The following HMCN1 variants were observed in gnomAD, a reference collection of about 807,000 sequenced individuals.
HMCN1 encodes hemicentin 1.
HMCN1 carries 321 observed loss-of-function variants against 625.9 expected under a neutral mutation model. The observed-to-expected ratio is 0.51, with a 90% CI of 0.47 to 0.56. The LOEUF (loss-of-function observed/expected upper bound fraction) is 0.56. Ranked by LOEUF, HMCN1 falls within the 20% of genes least tolerant of loss-of-function variation. The probability of loss-of-function intolerance (pLI) is 0.00; values close to 1 mark genes in which losing one functional copy is unlikely to be tolerated. For missense variants in HMCN1, 6,588 were observed against 6,887.3 expected (o/e 0.96, Z 1.54); for synonymous variants, 2,425 against 2,417.6 (o/e 1.00, Z -0.09).
At chr1:185,756,499 GA>G (rs1655145791) in intron 1 of HMCN1, among the ~76,000 whole-genome samples, 1 of 149,570 alleles carries the variant, frequency 6.7e-6, no homozygotes, top group Non-Finnish European at 1.5e-5. Flanking sequence ...AAAAGAAAAA[GA>G]AAAAAAGGAA....
chr1:185,849,882 C>A (rs1662060934), intron 2 of HMCN1, among the ~76,000 whole-genome samples: 2 of 151,602 alleles, frequency 1.3e-5, no homozygotes, highest in Admixed American at 6.6e-5. Context: ...TTTTTTCAGT[C>A]ATTATTTTGC....
intron 93 of HMCN1, among the ~76,000 whole-genome samples, chr1:186,146,396 G>A (rs551505143): frequency 2.0e-5 from 3 of 152,168 alleles, no homozygotes; most frequent in African/African-American, 4.8e-5. Flanking sequence ...AGCAAGTGAT[G>A]TAAAAATTCA....
chr1:186,109,761 A>G (rs966493501), intron 71 of HMCN1, among the ~76,000 whole-genome samples: 5 of 152,238 alleles, frequency 3.3e-5, no homozygotes, highest in African/African-American at 1.2e-4. Context: ...TGCTGGTCTG[A>G]GAACTGCAAG....
chr1:185,736,728 G>A (rs1437081570), intron 1 of HMCN1, among the ~76,000 whole-genome samples: 4 of 152,176 alleles, frequency 2.6e-5, no homozygotes, highest in African/African-American at 9.7e-5. Context: ...GTTACCAAAT[G>A]GGAGAGTTTG....
At position 186,067,453 on chromosome 1, in the gene HMCN1, G is replaced by A. The variant is rs373419474; in HGVS notation, c.7706-381G>A. ...TTTCACCTGCTAACTACCACTGATC[G>A]TTTAAGGCTCACTTTAAATCCTCTT... On this transcript the variant is annotated intron_variant, in intron 49 of 106. Coordinates refer to ENST00000271588, the MANE Select transcript of HMCN1 (RefSeq NM_031935.3). 5.8e-4 allele frequency among the ~76,000 whole-genome samples: 88 copies of A among 152,000 alleles called. 2 individuals are homozygous for A. The highest frequency in any genetic ancestry group is 1.8e-3 in the African/African-American group (74 of 41,374).
chr1:185,928,892 G>A (rs937091438), intron 10 of HMCN1, among the ~76,000 whole-genome samples: 1 of 152,026 alleles, frequency 6.6e-6, no homozygotes, highest in African/African-American at 2.4e-5. Context: ...TTCCCTAACT[G>A]TAAAAGAAAG....
At chr1:186,171,223 GT>G (rs1488899133) in intron 100 of HMCN1, 113 bp from the exon 101 acceptor site, 3 of 786,890 alleles carry the variant, frequency 3.8e-6, no homozygotes, top group Non-Finnish European at 6.6e-6. Context: ...TATTGGATAG[GT>G]TTTAGAGAAG....
In HMCN1 at chr1:186,128,142, T is replaced by C; in HGVS notation, c.12755T>C (p.Val4252Ala). The C allele has an allele frequency of 9.3e-6, 15 of 1,613,742 alleles. No individual in the cohort carries two copies. The highest frequency in any genetic ancestry group is 1.3e-5 in the Non-Finnish European group (15 of 1,179,766). ...GCTGCAGGTGAAGATACACACACTGTCAGCCTGACTGTGCATGTTCTCCCC... is the reference window on the plus strand; with the variant it reads ...GCTGCAGGTGAAGATACACACACTGCCAGCCTGACTGTGCATGTTCTCCCC... Reference protein sequence around the residue: ...NNAAGEDTHTVSLTVHVLPTF... With the variant: ...NNAAGEDTHTASLTVHVLPTF... Residue 4252 changes from valine to alanine, a missense_variant, in exon 83 of 107, where the codon GTC becomes GCC. Around this residue, in one of 3 missense-constraint regions of HMCN1, gnomAD observed 1,954 missense variants for 2,013.1 expected, o/e 0.97. Coordinates refer to ENST00000271588, the MANE Select transcript of HMCN1 (RefSeq NM_031935.3).
rs182823837 is a variant in HMCN1, at chr1:185,982,795, C to A, written c.2790+406C>A. Reference sequence around the variant, plus strand: ...AATGTATTCCAATCACCAAAAGTATCGATTTAATAAATATACAAAAATATG... The same window carrying A: ...AATGTATTCCAATCACCAAAAGTATAGATTTAATAAATATACAAAAATATG... On this transcript the variant is annotated intron_variant, in intron 18 of 106. Transcript: ENST00000271588. Among the ~76,000 whole-genome samples the A allele has an allele frequency of 3.3e-5, 5 of 151,928 alleles. No individual in the cohort carries two copies. The East Asian group carries it at 9.7e-4, about 29-fold the overall frequency.
intron 93 of HMCN1, among the ~76,000 whole-genome samples, chr1:186,147,232 T>C (rs954180084): frequency 1.3e-5 from 2 of 152,174 alleles, no homozygotes; most frequent in African/African-American, 4.8e-5. Context: ...CTGGCTTAGT[T>C]AAGACTTAAA....
At chr1:186,063,888 T>G (rs1657938584) in intron 48 of HMCN1, among the ~76,000 whole-genome samples, 1 of 152,210 alleles carries the variant, frequency 6.6e-6, no homozygotes, top group South Asian at 2.1e-4. Flanking sequence ...GAGGATATTT[T>G]CAAGGCTGTC....
chr1:186,039,181 T>G (rs1187871617), intron 38 of HMCN1, among the ~76,000 whole-genome samples, 176 bp downstream of exon 38: 1 of 152,206 alleles, frequency 6.6e-6, no homozygotes, highest in African/African-American at 2.4e-5. Context: ...ATTAAAATGC[T>G]CAATTTCCAC....
chr1:186,008,034 A>G (rs74134280), intron 30 of HMCN1, among the ~76,000 whole-genome samples: 4,211 of 152,206 alleles, frequency 0.028, 193 homozygotes, highest in African/African-American at 0.096. Flanking sequence ...TCTTCCCATT[A>G]AAAGCAGTCA....
chr1:185,874,665 T>C (rs1337463367), intron 4 of HMCN1, among the ~76,000 whole-genome samples: 6 of 152,018 alleles, frequency 3.9e-5, no homozygotes, highest in Admixed American at 2.0e-4. Flanking sequence ...TTTAAAGTCA[T>C]ATACCACATA....
intron 1 of HMCN1, among the ~76,000 whole-genome samples, chr1:185,844,089 G>A (rs1661657649): frequency 2.0e-5 from 3 of 152,140 alleles, no homozygotes; most frequent in Non-Finnish European, 4.4e-5. Flanking sequence ...TATGCAATGT[G>A]GGAACATAGA....
At chr1:185,815,640 C>A (rs1659799410) in intron 1 of HMCN1, among the ~76,000 whole-genome samples, 1 of 149,500 alleles carries the variant, frequency 6.7e-6, no homozygotes. Context: ...GTCTTAATAT[C>A]AACACTAGCA....
chr1:185,948,388 G>A (rs961071492), intron 11 of HMCN1, among the ~76,000 whole-genome samples: 35 of 151,558 alleles, frequency 2.3e-4, no homozygotes, highest in Non-Finnish European at 4.1e-4. Flanking sequence ...GTCAGCAAAG[G>A]GAGATAGGGG....
Position 186,041,071 on chromosome 1 carries a change from G to C in HMCN1, c.6239G>C (p.Arg2080Thr), listed in dbSNP as rs199945360. 346 of 1,612,602 alleles carry C rather than the reference G, an allele frequency of 2.1e-4. 1 individual carries two copies. The highest frequency in any genetic ancestry group is 2.7e-4 in the Non-Finnish European group (315 of 1,178,822). The change falls in exon 40 of 107, where the codon AGG becomes ACG. Residue 2080 changes from arginine to threonine, a missense_variant. Physicochemically the swap from Arg to Thr is moderately conservative, Grantham distance 71. Coordinates refer to ENST00000271588, the MANE Select transcript of HMCN1 (RefSeq NM_031935.3). ...AGTGCACAAATCAGCGACACAGGAA[G>C]GTACACCTGCGTGGCAGTGAATGCT... ...LTSAQISDTG[R>T]YTCVAVNAAG... is the part of the protein sequence containing the mutation.
At position 185,997,410 on chromosome 1, in the gene HMCN1, G is replaced by C; in HGVS notation, c.3779-19G>C. The stretch of plus-strand genomic sequence containing the variant: ...TTGCTCAAAGAAAGCCTGTGATAAT[G>C]CATTTATTTTCCTAATAGAACCACC... On this transcript the variant is annotated intron_variant, in intron 24 of 106. Coordinates refer to ENST00000271588, the MANE Select transcript of HMCN1 (RefSeq NM_031935.3). The C allele has an allele frequency of 6.7e-7, 1 of 1,493,162 alleles. No homozygotes were observed. The highest frequency in any genetic ancestry group is 9.3e-7 in the Non-Finnish European group (1 of 1,070,714). 92.5% of individuals were successfully genotyped at this position (1,493,162 alleles called of 1,614,324 possible).
Sources: gnomAD v4.1 joint callset for allele counts (sites outside exome capture counted in the v4.1 genomes callset) on GRCh38, gnomAD v4.1.1 for gene constraint, gnomAD v4.1.1 regional missense constraint, MANE v1.5 for transcripts, NCBI Gene and HGNC (gene_info 2026-07-23, HGNC 2026-07-21) for gene names.